Variants in PRKN observed in about 807,000 individuals in gnomAD.
PRKN encodes E3 ubiquitin-protein ligase parkin.
Under a neutral mutation model 59.5 loss-of-function variants are expected in PRKN, and 56 were observed. The ratio of observed to expected loss-of-function variants is 0.94; its 90% confidence interval spans 0.76 to 1.18. The LOEUF is 1.18. Among genes scored for constraint, PRKN ranks in the 50% most tolerant of loss-of-function variants. The probability of loss-of-function intolerance (pLI) is 0.00; values close to 1 mark genes in which losing one functional copy is unlikely to be tolerated. For missense variants in PRKN, 657 were observed against 596.4 expected (o/e 1.10, Z -1.06); for synonymous variants, 250 against 222.1 (o/e 1.13, Z -1.12).
chr6:161,704,538 T>A (rs983407869), intron 7 of PRKN, among the ~76,000 whole-genome samples: 1 of 152,182 alleles, frequency 6.6e-6, no homozygotes, highest in African/African-American at 2.4e-5. Flanking sequence ...CTTTTTACAG[T>A]CTTGTCCCAC....
intron 7 of PRKN, among the ~76,000 whole-genome samples, chr6:161,765,872 A>G (rs1465805727): frequency 1.3e-5 from 2 of 152,250 alleles, no homozygotes; most frequent in African/African-American, 2.4e-5. Context: ...AACTGAAACG[A>G]GCATGTTCAA....
chr6:162,450,369 TGTGATTGTAATCCCCCTGTGAATGTAA>T (rs1423243307), intron 1 of PRKN, among the ~76,000 whole-genome samples: 1 of 134,238 alleles, frequency 7.4e-6, no homozygotes, highest in African/African-American at 2.7e-5. Context: ...TAAACGCCCC[TGTGATTGTAATCCCCCTGTGAATGTAA>T]ACGCCCCTAT....
intron 11 of PRKN, among the ~76,000 whole-genome samples, chr6:161,358,564 G>A (rs1351319229): frequency 6.6e-6 from 1 of 152,062 alleles, no homozygotes; most frequent in Non-Finnish European, 1.5e-5. Flanking sequence ...GCAGTGAACC[G>A]AGATTACGCC....
intron 4 of PRKN, among the ~76,000 whole-genome samples, chr6:162,149,727 G>A (rs1052637638): frequency 3.3e-5 from 5 of 152,068 alleles, no homozygotes; most frequent in African/African-American, 9.7e-5. Flanking sequence ...GAAATAACCC[G>A]ATCCTTGGGC....
chr6:162,368,220 G>A (rs1469601187), intron 2 of PRKN, among the ~76,000 whole-genome samples: 1 of 152,106 alleles, frequency 6.6e-6, no homozygotes, highest in Non-Finnish European at 1.5e-5. Context: ...AAGAGTGCAT[G>A]GAGCATATCT....
intron 3 of PRKN, among the ~76,000 whole-genome samples, chr6:162,251,778 T>A (rs1375401104): frequency 6.6e-6 from 1 of 152,206 alleles, no homozygotes; most frequent in Non-Finnish European, 1.5e-5. Flanking sequence ...TTGAATTTTG[T>A]CATGTGGTGT....
intron 7 of PRKN, among the ~76,000 whole-genome samples, chr6:161,706,355 C>T (rs1786493615): frequency 6.6e-6 from 1 of 152,194 alleles, no homozygotes; most frequent in Non-Finnish European, 1.5e-5. Context: ...CTGTCGCTGA[C>T]TGGCCTCAGT....
chr6:162,558,351 C>T (rs1473917255), intron 1 of PRKN, among the ~76,000 whole-genome samples: 3 of 114,862 alleles, frequency 2.6e-5, no homozygotes, highest in East Asian at 3.2e-4. Flanking sequence ...TTTTCTGAGA[C>T]GGAGTTTCGC....
chr6:161,969,894 C>A (rs1367642038), intron 6 of PRKN, among the ~76,000 whole-genome samples: 1 of 151,894 alleles, frequency 6.6e-6, no homozygotes, highest in South Asian at 2.1e-4. Flanking sequence ...AAAGAGTCTG[C>A]GGGCCTAATT....
intron 4 of PRKN, among the ~76,000 whole-genome samples, chr6:162,170,526 T>C (rs1043385429): frequency 6.6e-6 from 1 of 152,206 alleles, no homozygotes; most frequent in South Asian, 2.1e-4. Context: ...GAAAAGATAT[T>C]ATTTTCCCCT....
chr6:161,983,830 G>T (rs1462602794), intron 5 of PRKN, among the ~76,000 whole-genome samples: 3 of 111,462 alleles, frequency 2.7e-5, no homozygotes, highest in African/African-American at 3.8e-5. Context: ...TGGGTGCAGC[G>T]CACCAGCACG....
intron 9 of PRKN, among the ~76,000 whole-genome samples, chr6:161,392,247 G>A (rs894660150): frequency 2.0e-5 from 3 of 151,704 alleles, no homozygotes; most frequent in Non-Finnish European, 1.5e-5. Flanking sequence ...TAGCTGGCAT[G>A]GTGGCAGGCA....
chr6:161,913,036 G>C (rs561475118), intron 6 of PRKN, among the ~76,000 whole-genome samples: 93 of 152,032 alleles, frequency 6.1e-4, no homozygotes, highest in African/African-American at 2.2e-3. Context: ...AAATTAGCCT[G>C]GCATGGTAGC....
At chr6:161,970,418 T>TATAC (rs1554256012) in intron 6 of PRKN, among the ~76,000 whole-genome samples, 25 of 147,396 alleles carry the variant, frequency 1.7e-4, no homozygotes, top group African/African-American at 5.3e-4. Flanking sequence ...TATATATATA[T>TATAC]ATACATACAC....
chr6:162,603,558 C>A (rs1475030796), intron 1 of PRKN, among the ~76,000 whole-genome samples: 1 of 152,132 alleles, frequency 6.6e-6, no homozygotes, highest in Non-Finnish European at 1.5e-5. Flanking sequence ...ACCACGTATC[C>A]CTTACCAAAA....
chr6:161,862,072 C>T (rs945940608), intron 6 of PRKN, among the ~76,000 whole-genome samples: 3 of 152,172 alleles, frequency 2.0e-5, no homozygotes, highest in Non-Finnish European at 2.9e-5. Context: ...ATCTTCTCTT[C>T]TAAGGACATT....
At chr6:161,769,077 A>C (rs1789550333) in intron 7 of PRKN, among the ~76,000 whole-genome samples, 1 of 152,248 alleles carries the variant, frequency 6.6e-6, no homozygotes, top group Admixed American at 6.5e-5. Flanking sequence ...TACATTTCTT[A>C]TAATGTTAAT....
chr6:161,985,365 T>C (rs1432942066), intron 5 of PRKN, among the ~76,000 whole-genome samples: 1 of 152,232 alleles, frequency 6.6e-6, no homozygotes, highest in Non-Finnish European at 1.5e-5. Context: ...AATAAGATGT[T>C]AAAATATCTG....
chr6:161,806,228 T>C (rs1791314093), intron 6 of PRKN, among the ~76,000 whole-genome samples: 1 of 152,054 alleles, frequency 6.6e-6, no homozygotes, highest in Non-Finnish European at 1.5e-5. Flanking sequence ...GACACCAAAG[T>C]AGTGAAGCAG....
Sources: allele counts gnomAD v4.1 joint callset (sites outside exome capture counted in the v4.1 genomes callset), GRCh38; gene constraint gnomAD v4.1.1; transcripts MANE v1.5; gene names NCBI Gene and HGNC (gene_info 2026-07-23, HGNC 2026-07-21).